UNC5D: variants seen among roughly 807,000 people sequenced by gnomAD.
The protein encoded by UNC5D is netrin receptor UNC5D.
In UNC5D, 39 loss-of-function variants were observed where a neutral mutation model predicts 105.4. The ratio of observed to expected loss-of-function variants is 0.37; its 90% CI spans 0.29 to 0.48. UNC5D has a LOEUF of 0.48. Among genes scored for constraint, UNC5D ranks in the 20% least tolerant of loss-of-function variants. The pLI is 0.98. For missense variants in UNC5D, 991 were observed against 1,202.4 expected (o/e 0.82, Z 2.60); for synonymous variants, 452 against 450.4 (o/e 1.00, Z -0.04).
chr8:35,739,149 G>A (rs906847599), intron 11 of UNC5D, among the ~76,000 whole-genome samples: 1 of 152,110 alleles, frequency 6.6e-6, no homozygotes, highest in Non-Finnish European at 1.5e-5. Context: ...AACAAAAAGG[G>A]CAATTTATCA....
chr8:35,422,173 A>G (rs943919081), intron 1 of UNC5D, among the ~76,000 whole-genome samples: 6 of 152,200 alleles, frequency 3.9e-5, no homozygotes, highest in Non-Finnish European at 7.3e-5. Flanking sequence ...ACCGGTTGCA[A>G]TATGGCCCCT....
intron 4 of UNC5D, among the ~76,000 whole-genome samples, chr8:35,681,539 G>A (rs567133201): frequency 5.8e-4 from 89 of 152,316 alleles, no homozygotes; most frequent in African/African-American, 2.0e-3. Flanking sequence ...CAGGCTGGTA[G>A]TCAGATGTAT....
intron 1 of UNC5D, 28 bp downstream of exon 1, chr8:35,235,915 G>A (rs921432699): frequency 1.6e-5 from 20 of 1,226,012 alleles, no homozygotes; most frequent in Non-Finnish European, 2.0e-5. Context: ...CGGGCAGCTG[G>A]GGGCGAGGGC....
chr8:35,544,106 T>C (rs1350256327), intron 1 of UNC5D, among the ~76,000 whole-genome samples: 1 of 152,200 alleles, frequency 6.6e-6, no homozygotes, highest in Non-Finnish European at 1.5e-5. Context: ...AGATGCACAG[T>C]GACACCCACC....
intron 4 of UNC5D, among the ~76,000 whole-genome samples, chr8:35,646,279 A>T (rs1235931585): frequency 6.6e-6 from 1 of 152,154 alleles, no homozygotes; most frequent in Non-Finnish European, 1.5e-5. Flanking sequence ...TTTTTCTACA[A>T]CATTAAAACA....
intron 1 of UNC5D, chr8:35,525,363 A>T: frequency 6.2e-7 from 1 of 1,612,002 alleles, no homozygotes; most frequent in South Asian, 1.1e-5. Context: ...CATGACTACG[A>T]TGTTTTTTTC....
intron 16 of UNC5D, 43 bp downstream of exon 16, chr8:35,774,520 C>T (rs747650854): frequency 6.2e-7 from 1 of 1,605,342 alleles, no homozygotes; most frequent in Non-Finnish European, 8.5e-7. Context: ...ACTAAGAGAA[C>T]TTGGAAACAT....
At chr8:35,683,947 AGT>A (rs1324801672) in intron 5 of UNC5D, among the ~76,000 whole-genome samples, 3 of 152,156 alleles carry the variant, frequency 2.0e-5, no homozygotes, top group African/African-American at 7.2e-5. Flanking sequence ...TGTGATAGTC[AGT>A]GACATTTCCA....
chr8:35,390,648 TA>T (rs1056173034), intron 1 of UNC5D, among the ~76,000 whole-genome samples: 51 of 152,214 alleles, frequency 3.4e-4, no homozygotes, highest in African/African-American at 1.2e-3. Context: ...TATTTGTTGG[TA>T]ACACTCTGGC....
chr8:35,710,239 T>C (rs1476684099), intron 8 of UNC5D, among the ~76,000 whole-genome samples: 1 of 152,126 alleles, frequency 6.6e-6, no homozygotes. Flanking sequence ...ATTGTAAAAA[T>C]GGGTCATATT....
intron 1 of UNC5D, among the ~76,000 whole-genome samples, chr8:35,248,136 A>C (rs1803291092): frequency 1.6e-5 from 1 of 62,316 alleles, no homozygotes; most frequent in South Asian, 6.5e-4. Context: ...AATATATATT[A>C]TATAAAATAT....
Position 35,790,471 on chromosome 8 carries a change from G to C in UNC5D, c.2770G>C (p.Glu924Gln). 6.2e-7 allele frequency: 1 copy of C among 1,613,922 alleles called. No individual in the cohort carries two copies. Among genetic ancestry groups the C allele is most frequent in the South Asian group, 1.1e-5 (1 of 91,088 alleles). ...DLDSLACALE[E>Q]IGRTHTKLSN... ...TGACTCCCTGGCCTGTGCCCTTGAA[G>C]AGATTGGGAGGACACACACGAAACT... The change falls in exon 17 of 17, where the codon GAG (glutamate) becomes CAG (glutamine). Residue 924 changes from glutamate (E) to glutamine (Q), a missense_variant. Around this residue, in one of 3 missense-constraint regions of UNC5D, gnomAD observed 45 missense variants for 54.5 expected, o/e 0.83. Coordinates refer to ENST00000404895, the MANE Select transcript of UNC5D (RefSeq NM_080872.4).
chr8:35,731,399 C>CAA (rs57529561), intron 11 of UNC5D, among the ~76,000 whole-genome samples: 1,151 of 30,572 alleles, frequency 0.038, 146 homozygotes, highest in Non-Finnish European at 0.074. Context: ...ACTCTGTCTC[C>CAA]AAAAAAAAAA....
At chr8:35,785,609 C>T (rs1374896682) in intron 16 of UNC5D, among the ~76,000 whole-genome samples, 1 of 152,134 alleles carries the variant, frequency 6.6e-6, no homozygotes, top group African/African-American at 2.4e-5. Context: ...GATCTGCCCA[C>T]CTCGGCCTCC....
chr8:35,598,215 G>A (rs560402479), intron 4 of UNC5D, among the ~76,000 whole-genome samples: 14 of 152,122 alleles, frequency 9.2e-5, no homozygotes, highest in African/African-American at 3.1e-4. Flanking sequence ...ATCCTACTAG[G>A]TATATACTTT....
chr8:35,523,440 G>C (rs1813627392), intron 1 of UNC5D, among the ~76,000 whole-genome samples: 1 of 152,122 alleles, frequency 6.6e-6, no homozygotes, highest in South Asian at 2.1e-4. Context: ...ACTATGCAAA[G>C]ATACCCTGGT....
chr8:35,697,920 TAAGTA>T (rs1243599331), intron 7 of UNC5D, among the ~76,000 whole-genome samples: 1 of 152,112 alleles, frequency 6.6e-6, no homozygotes, highest in Non-Finnish European at 1.5e-5. Flanking sequence ...TCATATCAGT[TAAGTA>T]TTTTCTTAGT....
chr8:35,495,458 CAAAAA>C (rs71547636), intron 1 of UNC5D, among the ~76,000 whole-genome samples: 31 of 44,616 alleles, frequency 6.9e-4, no homozygotes, highest in African/African-American at 1.0e-3. Context: ...ACAACAACAA[CAAAAA>C]AAAAAAAAAA....
At chr8:35,594,074 C>T (rs1043447365) in intron 3 of UNC5D, among the ~76,000 whole-genome samples, 5 of 152,038 alleles carry the variant, frequency 3.3e-5, no homozygotes, top group African/African-American at 9.7e-5. Flanking sequence ...TTACGGTTCC[C>T]GGATAGAGGG....
Sources: gnomAD v4.1 joint callset for allele counts (sites outside exome capture counted in the v4.1 genomes callset) on GRCh38, gnomAD v4.1.1 for gene constraint, gnomAD v4.1.1 regional missense constraint, MANE v1.5 for transcripts, NCBI Gene and HGNC (gene_info 2026-07-23, HGNC 2026-07-21) for gene names.